The following MCUB variants were observed in gnomAD, a reference collection of about 807,000 sequenced individuals.
MCUB encodes calcium uniporter regulatory subunit MCUb, mitochondrial.
MCUB carries 46 observed loss-of-function variants against 41.4 expected under a neutral mutation model. The ratio of observed to expected loss-of-function variants is 1.11; its 90% confidence interval spans 0.88 to 1.42. The LOEUF (loss-of-function observed/expected upper bound fraction) is 1.42. MCUB is among the 40% of genes most tolerant of loss of function. The pLI, the probability that MCUB is intolerant of heterozygous loss-of-function variation, is 0.00. For synonymous variants in MCUB, 148 were observed against 148.2 expected, an observed-to-expected ratio of 1.00 and a Z score of 0.01; for missense variants, 403 against 404.9, an observed-to-expected ratio of 1.00 and a Z score of 0.04.
At chr4:109,605,349 CT>C (rs1561224942) in intron 1 of MCUB, among the ~76,000 whole-genome samples, 1 of 152,168 alleles carries the variant, frequency 6.6e-6, no homozygotes, top group Non-Finnish European at 1.5e-5. Context: ...CAAAATTCCC[CT>C]TGCTATTGAT....
At chr4:109,682,197 T>G (rs1006977030) in intron 4 of MCUB, among the ~76,000 whole-genome samples, 5 of 152,228 alleles carry the variant, frequency 3.3e-5, no homozygotes, top group Non-Finnish European at 7.3e-5. Flanking sequence ...TCTCACGAGG[T>G]CTTTGTAAAA....
chr4:109,607,511 C>G (rs1350913067), intron 1 of MCUB, among the ~76,000 whole-genome samples: 1 of 152,230 alleles, frequency 6.6e-6, no homozygotes, highest in Non-Finnish European at 1.5e-5. Context: ...AGCCACCATG[C>G]CCGGCCTCCT....
chr4:109,681,913 C>G (rs893843335), intron 4 of MCUB, among the ~76,000 whole-genome samples: 8 of 152,362 alleles, frequency 5.3e-5, no homozygotes, highest in African/African-American at 1.9e-4. Flanking sequence ...GAAAACAGAG[C>G]TCCCATACGA....
chr4:109,641,848 A>G (rs1355193453), intron 1 of MCUB, among the ~76,000 whole-genome samples: 4 of 152,208 alleles, frequency 2.6e-5, no homozygotes, highest in Non-Finnish European at 4.4e-5. Flanking sequence ...AGAAATTCAG[A>G]TGTGTTACTA....
chr4:109,625,812 T>C (rs1021179359), intron 1 of MCUB, among the ~76,000 whole-genome samples: 6 of 152,224 alleles, frequency 3.9e-5, no homozygotes, highest in African/African-American at 1.4e-4. Flanking sequence ...TGAGGTACAG[T>C]ATCTCATCGT....
chr4:109,674,107 G>A, intron 4 of MCUB: 2 of 1,446,634 alleles, frequency 1.4e-6, no homozygotes, highest in Non-Finnish European at 9.7e-7. Flanking sequence ...GGAATTCTGG[G>A]CAAAACCTAA....
intron 4 of MCUB, among the ~76,000 whole-genome samples, chr4:109,670,719 CAA>C (rs201042577): frequency 4.0e-5 from 5 of 124,992 alleles, no homozygotes; most frequent in Admixed American, 1.7e-4. Flanking sequence ...ACTCTGTCTC[CAA>C]AAAAAAAAAA....
chr4:109,656,360 T>C (rs1267853426), intron 1 of MCUB, among the ~76,000 whole-genome samples: 3 of 16,380 alleles, frequency 1.8e-4, no homozygotes, highest in Admixed American at 1.0e-3. Flanking sequence ...TCTACTTTTT[T>C]TTTTTTTTTT....
chr4:109,567,057 G>A (rs553915294), intron 1 of MCUB, among the ~76,000 whole-genome samples: 5 of 149,984 alleles, frequency 3.3e-5, no homozygotes, highest in African/African-American at 4.9e-5. Flanking sequence ...TTTTTGAGAC[G>A]CGAGGCAGAG....
At chr4:109,596,546 A>G (rs558352642) in intron 1 of MCUB, among the ~76,000 whole-genome samples, 1 of 152,232 alleles carries the variant, frequency 6.6e-6, no homozygotes, top group African/African-American at 2.4e-5. Flanking sequence ...TGCAGTTGCC[A>G]TCCACAGTCC....
intron 1 of MCUB, among the ~76,000 whole-genome samples, chr4:109,582,179 A>G (rs1727193906): frequency 6.6e-6 from 1 of 151,938 alleles, no homozygotes; most frequent in Admixed American, 6.6e-5. Flanking sequence ...CATATACACC[A>G]TGGAATACTA....
intron 1 of MCUB, among the ~76,000 whole-genome samples, chr4:109,565,533 C>T (rs1340354522): frequency 6.6e-6 from 1 of 152,136 alleles, no homozygotes; most frequent in Non-Finnish European, 1.5e-5. Context: ...AAATACTTAG[C>T]TCAGAGAACA....
At chr4:109,592,539 T>C (rs535568155) in intron 1 of MCUB, among the ~76,000 whole-genome samples, 1 of 152,330 alleles carries the variant, frequency 6.6e-6, no homozygotes, top group Non-Finnish European at 1.5e-5. Flanking sequence ...CTTAAGGTTA[T>C]GTTCTCATCT....
intron 1 of MCUB, among the ~76,000 whole-genome samples, chr4:109,604,686 T>C (rs1727831517): frequency 6.6e-6 from 1 of 152,238 alleles, no homozygotes; most frequent in Admixed American, 6.5e-5. Flanking sequence ...TGAGGTAAGT[T>C]TCTTCTATAC....
chr4:109,659,478 T>C (rs538421145), intron 2 of MCUB, among the ~76,000 whole-genome samples: 1 of 152,060 alleles, frequency 6.6e-6, no homozygotes, highest in African/African-American at 2.4e-5. Context: ...TAGTCCCAGC[T>C]ACCCAAGAGA....
intron 1 of MCUB, among the ~76,000 whole-genome samples, chr4:109,588,408 T>C (rs1028704062): frequency 2.0e-5 from 3 of 152,128 alleles, no homozygotes; most frequent in Non-Finnish European, 4.4e-5. Context: ...GAGAATGAGC[T>C]CGGTATTTGA....
chr4:109,598,661 C>T (rs1345135406), intron 1 of MCUB, among the ~76,000 whole-genome samples: 1 of 152,036 alleles, frequency 6.6e-6, no homozygotes, highest in Non-Finnish European at 1.5e-5. Context: ...CAAAGCTTCC[C>T]AAATTCTCTT....
At chr4:109,588,752 T>A (rs1041273503) in intron 1 of MCUB, among the ~76,000 whole-genome samples, 13 of 152,314 alleles carry the variant, frequency 8.5e-5, no homozygotes, top group Admixed American at 8.5e-4. Context: ...CTGTCATGTG[T>A]ATCAAGAAGA....
At chr4:109,576,535 T>TG (rs397994930) in intron 1 of MCUB, among the ~76,000 whole-genome samples, 2 of 149,444 alleles carry the variant, frequency 1.3e-5, no homozygotes, top group Non-Finnish European at 3.0e-5. Context: ...TTTTTTTTTT[T>TG]GCCTGTCAAA....
Sources: allele counts gnomAD v4.1 joint callset (sites outside exome capture counted in the v4.1 genomes callset), GRCh38; gene constraint gnomAD v4.1.1; transcripts MANE v1.5; gene names NCBI Gene and HGNC (gene_info 2026-07-23, HGNC 2026-07-21).